Variants in SYT1 observed in about 807,000 individuals in gnomAD.
The protein encoded by SYT1 is synaptotagmin 1.
A neutral mutation model predicts 44.8 loss-of-function variants in SYT1; 8 were observed. The observed-to-expected ratio is 0.18, with a 90% CI of 0.10 to 0.32. The LOEUF (loss-of-function observed/expected upper bound fraction) is 0.32. Among genes scored for constraint, SYT1 ranks in the 10% least tolerant of loss-of-function variants. The probability of loss-of-function intolerance (pLI) is 1.00; values close to 1 mark genes in which losing one functional copy is unlikely to be tolerated. For synonymous variants in SYT1, 154 were observed against 188.8 expected (o/e 0.82, Z 1.51); for missense variants, 286 against 509.3 (o/e 0.56, Z 4.22).
chr12:79,433,545 C>T (rs1869917354), intron 9 of SYT1, among the ~76,000 whole-genome samples: 1 of 152,024 alleles, frequency 6.6e-6, no homozygotes, highest in South Asian at 2.1e-4. Flanking sequence ...AGAGGCTTAA[C>T]CTATATCTCA....
At chr12:79,179,570 T>G (rs151033673) in intron 3 of SYT1, among the ~76,000 whole-genome samples, 11 of 146,650 alleles carry the variant, frequency 7.5e-5, no homozygotes, top group East Asian at 2.0e-4. Context: ...TTTAGATATA[T>G]AGATATGGAT....
chr12:79,317,383 T>C (rs556515087), intron 8 of SYT1, among the ~76,000 whole-genome samples: 1 of 152,350 alleles, frequency 6.6e-6, no homozygotes, highest in African/African-American at 2.4e-5. Flanking sequence ...TACTTTTTGC[T>C]CTACTTTAAA....
intron 4 of SYT1, among the ~76,000 whole-genome samples, chr12:79,223,275 A>G (rs1344254854): frequency 6.6e-6 from 1 of 152,196 alleles, no homozygotes; most frequent in Non-Finnish European, 1.5e-5. Context: ...AAAGCCCTGC[A>G]GTAGGGTGTG....
chr12:79,403,708 A>G (rs1383716368), intron 9 of SYT1, among the ~76,000 whole-genome samples: 1 of 152,142 alleles, frequency 6.6e-6, no homozygotes, highest in Non-Finnish European at 1.5e-5. Context: ...TAGCAGATGT[A>G]TTTCTCAAAG....
chr12:79,181,186 C>A (rs560390575), intron 3 of SYT1, among the ~76,000 whole-genome samples: 1 of 152,094 alleles, frequency 6.6e-6, no homozygotes, highest in African/African-American at 2.4e-5. Context: ...AATCCATCGT[C>A]CATTGTAATC....
chr12:78,876,897 T>TTA (rs1565697940), intron 1 of SYT1, among the ~76,000 whole-genome samples: 19 of 11,120 alleles, frequency 1.7e-3, no homozygotes, highest in East Asian at 3.8e-3. Flanking sequence ...ATAATATATA[T>TTA]TATATATTAT....
chr12:78,895,282 G>A (rs1213514181), intron 1 of SYT1, among the ~76,000 whole-genome samples: 2 of 151,600 alleles, frequency 1.3e-5, no homozygotes, highest in African/African-American at 2.4e-5. Context: ...TGACATTTAG[G>A]ATTATAGGAT....
chr12:79,276,403 C>T (rs183847044), intron 4 of SYT1, among the ~76,000 whole-genome samples: 4 of 151,732 alleles, frequency 2.6e-5, no homozygotes, highest in African/African-American at 4.8e-5. Flanking sequence ...ATTAGTGGGG[C>T]GCAATGACTC....
chr12:79,137,463 A>G (rs1053419004), intron 3 of SYT1, among the ~76,000 whole-genome samples: 32 of 152,156 alleles, frequency 2.1e-4, no homozygotes, highest in African/African-American at 7.7e-4. Context: ...CCTATAAAGC[A>G]GCTGACATTA....
At chr12:79,253,487 C>CTT (rs1877342996) in intron 4 of SYT1, among the ~76,000 whole-genome samples, 1 of 62,068 alleles carries the variant, frequency 1.6e-5, no homozygotes, top group African/African-American at 1.9e-4. Flanking sequence ...TGCCCAGTCT[C>CTT]TCTCTCTCTC....
chr12:79,281,727 T>C (rs1879062765), intron 4 of SYT1, among the ~76,000 whole-genome samples: 1 of 152,224 alleles, frequency 6.6e-6, no homozygotes, highest in Non-Finnish European at 1.5e-5. Flanking sequence ...ATATTACTAA[T>C]GTATAGTTAC....
At chr12:79,260,568 G>C (rs1877773058) in intron 4 of SYT1, among the ~76,000 whole-genome samples, 3 of 152,142 alleles carry the variant, frequency 2.0e-5, no homozygotes. Context: ...ACTGTCTTGT[G>C]CTTTGGTTGA....
At chr12:79,220,434 TTTCC>T (rs1875088140) in intron 4 of SYT1, among the ~76,000 whole-genome samples, 1 of 152,016 alleles carries the variant, frequency 6.6e-6, no homozygotes, top group South Asian at 2.1e-4. Context: ...ATTTTTGTTG[TTTCC>T]TTCCTTTACT....
intron 9 of SYT1, among the ~76,000 whole-genome samples, chr12:79,397,194 G>A (rs947059478): frequency 1.3e-5 from 2 of 152,160 alleles, no homozygotes; most frequent in Non-Finnish European, 2.9e-5. Context: ...GGGGTTGCTT[G>A]TATTCCAGTT....
At chr12:79,321,361 G>A (rs1465314766) in intron 8 of SYT1, among the ~76,000 whole-genome samples, 1 of 152,144 alleles carries the variant, frequency 6.6e-6, no homozygotes, top group Non-Finnish European at 1.5e-5. Flanking sequence ...AAAAGCATGA[G>A]GGTCCCTGGT....
At chr12:79,437,108 A>G (rs182509149) in intron 9 of SYT1, among the ~76,000 whole-genome samples, 2 of 152,312 alleles carry the variant, frequency 1.3e-5, no homozygotes, top group East Asian at 3.9e-4. Flanking sequence ...GAGGAATAGT[A>G]AGTGCCTACC....
At chr12:78,902,084 G>C (rs1482484619) in intron 1 of SYT1, among the ~76,000 whole-genome samples, 1 of 151,944 alleles carries the variant, frequency 6.6e-6, no homozygotes, top group African/African-American at 2.4e-5. Flanking sequence ...AATACCTAAT[G>C]TAGATGATTG....
chr12:79,056,945 A>T (rs1343861194), intron 3 of SYT1, among the ~76,000 whole-genome samples: 1 of 152,004 alleles, frequency 6.6e-6, no homozygotes, highest in Non-Finnish European at 1.5e-5. Flanking sequence ...ATTCTTTTGC[A>T]AACACCATAA....
rs57706449 is a variant in SYT1, at chr12:79,117,662, CATATATATATATATATATAT to C, written c.-18+70334_-18+70353del. On this transcript the variant is annotated intron_variant, in intron 3 of 10. Transcript: ENST00000261205. ...GTGTGTGTGTGTGTGTGTATTACAT[CATATATATATATATATATAT>C]ATATATATATATATATATATATATA... is the stretch of plus-strand genomic sequence containing the variant. Among the ~76,000 whole-genome samples the C allele has an allele frequency of 5.2e-3, 206 of 39,308 alleles. 2 individuals carry two copies. Among genetic ancestry groups the C allele is most frequent in the East Asian group, 0.016 (10 of 624 alleles). 25.8% of individuals were successfully genotyped at this position (39,308 alleles called of 152,430 possible).
Sources: gnomAD v4.1 joint callset for allele counts (sites outside exome capture counted in the v4.1 genomes callset) on GRCh38, gnomAD v4.1.1 for gene constraint, MANE v1.5 for transcripts, NCBI Gene and HGNC (gene_info 2026-07-23, HGNC 2026-07-21) for gene names.